CAMK4: variants seen among roughly 807,000 people sequenced by gnomAD.
CAMK4 encodes calcium/calmodulin dependent protein kinase IV.
Under a neutral mutation model 44.9 loss-of-function variants are expected in CAMK4, and 22 were observed. The observed-to-expected ratio is 0.49, with a 90% confidence interval of 0.35 to 0.70. The LOEUF (loss-of-function observed/expected upper bound fraction) is 0.70. Ranked by LOEUF, CAMK4 falls within the 30% of genes least tolerant of loss-of-function variation. CAMK4 has a pLI of 0.01. For synonymous variants in CAMK4, 218 were observed against 215.4 expected (o/e 1.01, Z -0.11); for missense variants, 498 against 586.8 (o/e 0.85, Z 1.56).
intron 2 of CAMK4, among the ~76,000 whole-genome samples, chr5:111,349,806 C>T (rs1750017573): frequency 6.6e-6 from 1 of 151,834 alleles, no homozygotes; most frequent in Non-Finnish European, 1.5e-5. Context: ...TATGCTCCAC[C>T]AATAATTTAT....
At chr5:111,421,079 G>A (rs572835306) in intron 5 of CAMK4, among the ~76,000 whole-genome samples, 1 of 152,306 alleles carries the variant, frequency 6.6e-6, no homozygotes, top group East Asian at 1.9e-4. Flanking sequence ...AGTAAAGACA[G>A]CCATAAGAAA....
rs1443506671 is a variant in CAMK4 at position 111,486,846 on chromosome 5, T to C, written c.*2380T>C. On this transcript the variant is annotated 3_prime_UTR_variant, in exon 11 of 11. Transcript: ENST00000282356. ...AATTCCCTCTATCTTTTTAAACCCA[T>C]AAACTACATTTTTAAAAAAATCAAT... 1.3e-5 allele frequency: 2 copies of C among 152,134 alleles called. No individual in the cohort carries two copies. The highest frequency in any genetic ancestry group is 6.5e-5 in the Admixed American group (1 of 15,270). 9.4% of individuals were successfully genotyped at this position (152,134 alleles called of 1,614,324 possible). A position where few individuals can be genotyped will look rare whatever the true frequency, so the allele number is the denominator to read the frequency against.
rs915521709 is a variant in CAMK4, at chr5:111,326,998, T to G, written c.162-17026T>G. ...AAGCTGAGTGCTTTCTAAGAAACTG[T>G]TTTTTTTTTAAATTTTATTATTATT... On this transcript the variant is annotated intron_variant, in intron 1 of 10. Transcript: ENST00000282356. 7.3e-5 allele frequency among the ~76,000 whole-genome samples: 11 copies of G among 150,400 alleles called. No homozygotes were observed. The East Asian group carries it at 1.2e-3, about 16-fold the overall frequency.
intron 1 of CAMK4, among the ~76,000 whole-genome samples, chr5:111,324,368 T>A (rs573555085): frequency 7.2e-5 from 11 of 152,138 alleles, no homozygotes; most frequent in Non-Finnish European, 1.3e-4. Flanking sequence ...AATATTCAAA[T>A]TCTAAATATA....
chr5:111,265,344 C>T (rs11241113), intron 1 of CAMK4, among the ~76,000 whole-genome samples: 39,520 of 152,076 alleles, frequency 0.26, 6,033 homozygotes, highest in African/African-American at 0.43. Flanking sequence ...TTCATGTAGC[C>T]TACTGGCTGG....
At chr5:111,273,718 TACAC>T (rs143530732) in intron 1 of CAMK4, among the ~76,000 whole-genome samples, 6,677 of 44,204 alleles carry the variant, frequency 0.15, 1,140 homozygotes, top group Middle Eastern at 0.26. Flanking sequence ...TATATATATA[TACAC>T]ACACATACAT....
intron 1 of CAMK4, among the ~76,000 whole-genome samples, chr5:111,235,937 T>G (rs1417517601): frequency 6.6e-6 from 1 of 152,160 alleles, no homozygotes; most frequent in Non-Finnish European, 1.5e-5. Flanking sequence ...ACAGCTGGAT[T>G]GGTGAAGATG....
intron 1 of CAMK4, among the ~76,000 whole-genome samples, chr5:111,249,826 A>T (rs958167414): frequency 7.0e-6 from 1 of 143,064 alleles, no homozygotes; most frequent in African/African-American, 2.4e-5. Flanking sequence ...TATAATTTAT[A>T]TAAAACATAA....
chr5:111,351,333 T>C (rs1197578550), intron 2 of CAMK4, among the ~76,000 whole-genome samples: 1 of 152,118 alleles, frequency 6.6e-6, no homozygotes, highest in Admixed American at 6.6e-5. Context: ...TCCACCAGTC[T>C]TTTTACACAC....
At chr5:111,316,110 A>G (rs1748410423) in intron 1 of CAMK4, among the ~76,000 whole-genome samples, 1 of 152,158 alleles carries the variant, frequency 6.6e-6, no homozygotes, top group Non-Finnish European at 1.5e-5. Flanking sequence ...GGAAATTGAC[A>G]TTCCCTCAAG....
intron 2 of CAMK4, among the ~76,000 whole-genome samples, chr5:111,359,657 A>T (rs1320975219): frequency 6.6e-6 from 1 of 152,056 alleles, no homozygotes; most frequent in Non-Finnish European, 1.5e-5. Context: ...ATTCCTTGCC[A>T]ATTCCTATGT....
At chr5:111,462,357 T>C (rs986318106) in intron 7 of CAMK4, among the ~76,000 whole-genome samples, 1 of 152,234 alleles carries the variant, frequency 6.6e-6, no homozygotes, top group Non-Finnish European at 1.5e-5. Context: ...TTGATTTATG[T>C]CTACATCCCC....
intron 1 of CAMK4, among the ~76,000 whole-genome samples, chr5:111,245,326 GTTTC>G (rs1373303222): frequency 6.6e-6 from 1 of 152,050 alleles, no homozygotes; most frequent in Non-Finnish European, 1.5e-5. Context: ...AAAGCTTTAA[GTTTC>G]TTTAACTGAT....
chr5:111,365,572 A>T (rs182891518), intron 2 of CAMK4, among the ~76,000 whole-genome samples: 1 of 152,210 alleles, frequency 6.6e-6, no homozygotes, highest in African/African-American at 2.4e-5. Context: ...GAGTTGCAGG[A>T]TGCATTTGCT....
At chr5:111,246,844 T>C (rs1206604050) in intron 1 of CAMK4, among the ~76,000 whole-genome samples, 1 of 152,148 alleles carries the variant, frequency 6.6e-6, no homozygotes, top group African/African-American at 2.4e-5. Flanking sequence ...ACCCCAACTT[T>C]TGTGAGTGTG....
intron 1 of CAMK4, among the ~76,000 whole-genome samples, chr5:111,273,131 T>C (rs1046591776): frequency 6.6e-6 from 1 of 152,170 alleles, no homozygotes; most frequent in African/African-American, 2.4e-5. Context: ...AACTGTTATC[T>C]CTGCACCAAT....
At chr5:111,234,877 A>T (rs989079363) in intron 1 of CAMK4, among the ~76,000 whole-genome samples, 5 of 152,236 alleles carry the variant, frequency 3.3e-5, no homozygotes, top group Non-Finnish European at 2.9e-5. Context: ...GCTTTGTTAA[A>T]AGTGCACTTT....
chr5:111,372,415 A>T (rs547849483), intron 2 of CAMK4, among the ~76,000 whole-genome samples: 1 of 152,218 alleles, frequency 6.6e-6, no homozygotes, highest in South Asian at 2.1e-4. Flanking sequence ...TGATAATACT[A>T]TTTGAGATTA....
At chr5:111,294,246 G>A (rs1196192730) in intron 1 of CAMK4, among the ~76,000 whole-genome samples, 1 of 152,132 alleles carries the variant, frequency 6.6e-6, no homozygotes, top group African/African-American at 2.4e-5. Flanking sequence ...GAACTGCACA[G>A]ATGATTGAGT....
Sources: gnomAD v4.1 joint callset for allele counts (sites outside exome capture counted in the v4.1 genomes callset) on GRCh38, gnomAD v4.1.1 for gene constraint, MANE v1.5 for transcripts, NCBI Gene and HGNC (gene_info 2026-07-23, HGNC 2026-07-21) for gene names.